Variants in ABLIM1 observed in about 807,000 individuals in gnomAD.
ABLIM1 encodes actin binding LIM protein 1.
In ABLIM1, 40 loss-of-function variants were observed where a neutral mutation model predicts 107.0. The observed-to-expected ratio is 0.37, with a 90% CI of 0.29 to 0.49. The LOEUF is 0.49. Ranked by LOEUF, ABLIM1 falls within the 20% of genes least tolerant of loss-of-function variation. The pLI is 0.97. For synonymous variants in ABLIM1, 357 were observed against 357.3 expected (o/e 1.00, Z 0.01); for missense variants, 857 against 1,008.5 (o/e 0.85, Z 2.04).
chr10:114,583,384 CA>C (rs1355936397), intron 2 of ABLIM1, among the ~76,000 whole-genome samples: 1 of 112,042 alleles, frequency 8.9e-6, no homozygotes, highest in African/African-American at 3.3e-5. Context: ...ACAGATGCTC[CA>C]AGGCTGTGGA....
intron 1 of ABLIM1, among the ~76,000 whole-genome samples, chr10:114,614,649 T>G (rs2077013921): frequency 6.6e-6 from 1 of 152,260 alleles, no homozygotes; most frequent in Admixed American, 6.5e-5. Context: ...TCAACACCAG[T>G]GTCAGCACCA....
chr10:114,590,584 G>C lies in ABLIM1; in HGVS notation c.379+11243C>G, dbSNP rs1012151565. On this transcript the variant is annotated intron_variant, in intron 2 of 22. Transcript: ENST00000533213. ...TTCTGCTACTTGTAATGTGAATAAG[G>C]AGAAACCCAGGGTTTTAGTTAGTTT... is the stretch of plus-strand genomic sequence containing the variant. Among the ~76,000 whole-genome samples, 4 of 152,146 alleles carry C rather than the reference G, an allele frequency of 2.6e-5. No individual in the cohort carries two copies. The East Asian group carries it at 7.7e-4, about 29-fold the overall frequency.
chr10:114,747,804 C>A (rs1387576713), intron 1 of ABLIM1, among the ~76,000 whole-genome samples: 2 of 152,224 alleles, frequency 1.3e-5, no homozygotes, highest in African/African-American at 2.4e-5. Context: ...CTTTGGGAGG[C>A]CAAGGTGGGT....
chr10:114,761,266 C>CA (rs60010820), intron 1 of ABLIM1, among the ~76,000 whole-genome samples: 82,396 of 145,992 alleles, frequency 0.56, 23,206 homozygotes, highest in South Asian at 0.63. Flanking sequence ...AAGAAATCGG[C>CA]AAAAAAAAAA....
At chr10:114,533,406 T>C (rs1016846849) in intron 6 of ABLIM1, among the ~76,000 whole-genome samples, 1 of 152,210 alleles carries the variant, frequency 6.6e-6, no homozygotes, top group African/African-American at 2.4e-5. Context: ...CATATTATTA[T>C]AATCTTGCAA....
At chr10:114,702,816 A>G (rs991868238) in intron 1 of ABLIM1, among the ~76,000 whole-genome samples, 4 of 152,140 alleles carry the variant, frequency 2.6e-5, no homozygotes, top group Admixed American at 6.5e-5. Flanking sequence ...TTTTAATGAC[A>G]TAACACATCA....
chr10:114,635,417 A>G (rs1175780122), intron 1 of ABLIM1, among the ~76,000 whole-genome samples: 1 of 152,232 alleles, frequency 6.6e-6, no homozygotes, highest in Non-Finnish European at 1.5e-5. Flanking sequence ...CTACAGAGCC[A>G]TGGGTCACTT....
chr10:114,649,262 A>G (rs1346729276), intron 1 of ABLIM1, among the ~76,000 whole-genome samples: 1 of 151,884 alleles, frequency 6.6e-6, no homozygotes, highest in Non-Finnish European at 1.5e-5. Flanking sequence ...TTAGCCAGGC[A>G]TGGTGGTGCA....
intron 17 of ABLIM1, 52 bp downstream of exon 17, chr10:114,443,977 C>G (rs1021374601): frequency 2.7e-6 from 4 of 1,463,236 alleles, no homozygotes; most frequent in Non-Finnish European, 3.8e-6. Context: ...AGGTGCCTTA[C>G]AAGCAGGTGG....
chr10:114,583,794 A>G (rs956084695), intron 2 of ABLIM1, among the ~76,000 whole-genome samples: 1 of 152,020 alleles, frequency 6.6e-6, no homozygotes, highest in Non-Finnish European at 1.5e-5. Context: ...GCCATAAAAG[A>G]GAATGAAATC....
intron 2 of ABLIM1, among the ~76,000 whole-genome samples, chr10:114,590,652 G>A (rs1264356913): frequency 2.6e-5 from 4 of 152,112 alleles, no homozygotes; most frequent in Non-Finnish European, 5.9e-5. Context: ...TGATGCTGAG[G>A]TAAGTTGTAA....
At chr10:114,462,548 A>G (rs1202344201) in intron 12 of ABLIM1, among the ~76,000 whole-genome samples, 2 of 152,296 alleles carry the variant, frequency 1.3e-5, no homozygotes, top group South Asian at 2.1e-4. Flanking sequence ...GAGTCGGCTC[A>G]AAGAGAAACA....
At chr10:114,630,420 C>T (rs1201655533) in intron 1 of ABLIM1, among the ~76,000 whole-genome samples, 1 of 152,170 alleles carries the variant, frequency 6.6e-6, no homozygotes, top group Non-Finnish European at 1.5e-5. Context: ...TTATTAGAAG[C>T]ACCTTTATTC....
intron 12 of ABLIM1, among the ~76,000 whole-genome samples, chr10:114,460,696 T>C (rs1441320005): frequency 6.6e-6 from 1 of 152,234 alleles, no homozygotes; most frequent in East Asian, 1.9e-4. Context: ...AGGAGTCTCA[T>C]TGTTCTTGAT....
At position 114,523,050 on chromosome 10, in the gene ABLIM1, G is replaced by A. The variant is rs139177053; in HGVS notation, c.894+21955C>T. Among the ~76,000 whole-genome samples, 227 of 152,236 alleles carry A rather than the reference G, an allele frequency of 1.5e-3. 2 individuals are homozygous for A. Among genetic ancestry groups the A allele is most frequent in the Admixed American group, 2.4e-3 (36 of 15,288 alleles). On this transcript the variant is annotated intron_variant, in intron 6 of 22. Transcript: ENST00000533213. The stretch of plus-strand genomic sequence containing the variant: ...ACCTGTAATCCCAGTTACTCGGAGG[G>A]TGAGGCAGGAGAATCGCTTGAACCC...
In ABLIM1 at chr10:114,436,101, G is replaced by T; in HGVS notation, c.*159C>A. On this transcript the variant is annotated 3_prime_UTR_variant, in exon 23 of 23. Transcript: ENST00000533213. ...GGCAAGTGTTACTGTTGGCTGGCCC[G>T]ACATTTGACTCATGGTGTTTTAACC... 1 of 600,870 alleles carries T rather than the reference G, an allele frequency of 1.7e-6. No homozygotes were observed. Among genetic ancestry groups the T allele is most frequent in the Non-Finnish European group, 3.0e-6 (1 of 337,702 alleles). 37.2% of individuals were successfully genotyped at this position (600,870 alleles called of 1,614,324 possible).
chr10:114,789,795 T>G, the ABLIM1 span, among the ~76,000 whole-genome samples: 3 of 151,806 alleles, frequency 2.0e-5, no homozygotes, highest in African/African-American at 4.8e-5. Context: ...ATATTTGTTT[T>G]TTTTTTTTTT....
intron 6 of ABLIM1, among the ~76,000 whole-genome samples, chr10:114,515,021 C>T (rs2062586959): frequency 6.6e-6 from 1 of 152,146 alleles, no homozygotes; most frequent in Non-Finnish European, 1.5e-5. Flanking sequence ...GGAGATCTCC[C>T]AGAACCTGAA....
At chr10:114,623,554 T>C (rs2077601258) in intron 1 of ABLIM1, among the ~76,000 whole-genome samples, 1 of 152,218 alleles carries the variant, frequency 6.6e-6, no homozygotes. Flanking sequence ...CTTACCCACC[T>C]GTAGGGCTGG....
Sources: gnomAD v4.1 joint callset for allele counts (sites outside exome capture counted in the v4.1 genomes callset) on GRCh38, gnomAD v4.1.1 for gene constraint, MANE v1.5 for transcripts, NCBI Gene and HGNC (gene_info 2026-07-23, HGNC 2026-07-21) for gene names.